LRRC15: variants seen among roughly 807,000 people sequenced by gnomAD.
The protein encoded by LRRC15 is leucine-rich repeat-containing protein 15.
LRRC15 carries 5 observed loss-of-function variants against 4.3 expected under a neutral mutation model. The observed-to-expected ratio is 1.16, with a 90% confidence interval of 0.61 to 2.44. The LOEUF (loss-of-function observed/expected upper bound fraction) is 2.44, where lower values mean the gene tolerates loss of function less well. Among genes scored for constraint, LRRC15 ranks in the 30% most tolerant of loss-of-function variants. LRRC15 has a pLI of 0.01. For synonymous variants in LRRC15, 337 were observed against 323.2 expected (o/e 1.04, Z -0.46); for missense variants, 769 against 747.0 (o/e 1.03, Z -0.34).
In LRRC15 at chr3:194,359,976, C is replaced by T; in HGVS notation, c.1068G>A (p.Leu356=). The change falls in exon 2 of 2, where the codon CTG becomes CTA. Residue 356 remains leucine (L), a synonymous_variant. Coordinates refer to ENST00000347624, the MANE Select transcript of LRRC15 (RefSeq NM_130830.5). The part of the protein sequence containing the change: ...LSLHTNALQD[L]DGNVFRMLAN... ...CCAACATGCGGAAGACGTTCCCGTCCAGGTCCTGCAGTGCGTTGGTGTGGA... is the reference window on the plus strand; with the variant it reads ...CCAACATGCGGAAGACGTTCCCGTCTAGGTCCTGCAGTGCGTTGGTGTGGA... 6.2e-7 allele frequency: 1 copy of T among 1,614,216 alleles called. No homozygotes were observed. The highest frequency in any genetic ancestry group is 8.5e-7 in the Non-Finnish European group (1 of 1,180,040).
chr3:194,366,511 G>GA (rs1456523544), intron 1 of LRRC15, among the ~76,000 whole-genome samples: 1 of 151,914 alleles, frequency 6.6e-6, no homozygotes, highest in African/African-American at 2.4e-5. Flanking sequence ...AACATGCTCA[G>GA]AAACACCACG....
chr3:194,360,478 G>A lies in LRRC15; in HGVS notation c.566C>T (p.Ser189Leu), dbSNP rs1713586117. The change falls in exon 2 of 2, where the codon TCA becomes TTA. Residue 189 changes from serine to leucine, a missense_variant. Transcript: ENST00000347624. Reference protein sequence around the residue: ...NLGKNSLTHISPRVFQHLGNL... With the variant: ...NLGKNSLTHILPRVFQHLGNL... ...GCCCAGGTGCTGGAAGACCCTGGGT[G>A]AGATGTGGGTGAGGCTATTCTTGCC... is the stretch of plus-strand genomic sequence containing the variant. The A allele has an allele frequency of 1.2e-6, 2 of 1,614,062 alleles. No homozygotes were observed. Among genetic ancestry groups the A allele is most frequent in the African/African-American group, 1.3e-5 (1 of 74,926 alleles).
intron 1 of LRRC15, 85 bp from the exon 2 acceptor site, chr3:194,361,131 A>G (rs1220000388): frequency 6.5e-6 from 8 of 1,229,682 alleles, no homozygotes; most frequent in East Asian, 5.2e-5. Context: ...TCCAGTGCCA[A>G]TGCTGGCTTG....
At chr3:194,364,673 T>A (rs1380681997) in intron 1 of LRRC15, among the ~76,000 whole-genome samples, 1 of 152,198 alleles carries the variant, frequency 6.6e-6, no homozygotes, top group East Asian at 1.9e-4. Context: ...GCACAGATAA[T>A]TCCCTATGGG....
chr3:194,361,191 A>G (rs1713619635), intron 1 of LRRC15, 145 bp from the exon 2 acceptor site: 5 of 687,120 alleles, frequency 7.3e-6, no homozygotes, highest in Non-Finnish European at 1.1e-5. Context: ...TCTGCTCTGA[A>G]CAGGAAGCCT....
intron 1 of LRRC15, among the ~76,000 whole-genome samples, chr3:194,365,242 T>A (rs1015567195): frequency 4.6e-5 from 7 of 152,220 alleles, no homozygotes; most frequent in Non-Finnish European, 8.8e-5. Context: ...AAGGACAGCC[T>A]GACAGCTCTC....
At chr3:194,365,972 C>G (rs577751238) in intron 1 of LRRC15, among the ~76,000 whole-genome samples, 2 of 152,362 alleles carry the variant, frequency 1.3e-5, no homozygotes, top group South Asian at 4.1e-4. Flanking sequence ...CTCCCTTCTC[C>G]CCACAGAGGG....
Position 194,359,116 on chromosome 3 carries a change from C to A in LRRC15, c.*182G>T. ...TCTATCTTCCTGATTGTAGGAAGGT[C>A]CGGCACGACCTGCTTCTCTACGGGA... On this transcript the variant is annotated 3_prime_UTR_variant, in exon 2 of 2. Coordinates refer to ENST00000347624, the MANE Select transcript of LRRC15 (RefSeq NM_130830.5). 1.8e-6 allele frequency: 1 copy of A among 568,520 alleles called. No individual in the cohort carries two copies. The highest frequency in any genetic ancestry group is 1.9e-5 in the African/African-American group (1 of 53,632). The allele number at this position is 568,520 out of a possible 1,614,324, so 35.2% of individuals were successfully genotyped here. A position where few individuals can be genotyped will look rare whatever the true frequency, so the allele number is the denominator to read the frequency against.
rs1280523567 is a variant in LRRC15 at position 194,359,042 on chromosome 3, C to T, written c.*256G>A. 1.6e-5 allele frequency: 6 copies of T among 376,112 alleles called. No homozygotes were observed. Among genetic ancestry groups the T allele is most frequent in the African/African-American group, 6.1e-5 (3 of 49,016 alleles). 23.3% of individuals were successfully genotyped at this position (376,112 alleles called of 1,614,324 possible). A position where few individuals can be genotyped will look rare whatever the true frequency, so the allele number is the denominator to read the frequency against. Reference sequence around the variant, plus strand: ...AGGAAGAGCCCTCTCGAAGGAAGCCCAGGGGTATGAATCGGAAATCCCCAG... The same window carrying T: ...AGGAAGAGCCCTCTCGAAGGAAGCCTAGGGGTATGAATCGGAAATCCCCAG... On this transcript the variant is annotated 3_prime_UTR_variant, in exon 2 of 2. Transcript: ENST00000347624.
At chr3:194,367,797 G>A (rs1713824807) in intron 1 of LRRC15, among the ~76,000 whole-genome samples, 1 of 152,246 alleles carries the variant, frequency 6.6e-6, no homozygotes, top group African/African-American at 2.4e-5. Context: ...GGGGACCCGC[G>A]TCTCTCATCT....
chr3:194,366,407 A>G (rs1025229584), intron 1 of LRRC15, among the ~76,000 whole-genome samples: 1 of 152,162 alleles, frequency 6.6e-6, no homozygotes, highest in African/African-American at 2.4e-5. Context: ...TGGAGACTCC[A>G]CCCGCAGAGA....
chr3:194,360,714 G>T lies in LRRC15; in HGVS notation c.330C>A (p.Asn110Lys). 2 of 1,614,240 alleles carry T rather than the reference G, an allele frequency of 1.2e-6. No homozygotes were observed. The highest frequency in any genetic ancestry group is 1.7e-6 in the Non-Finnish European group (2 of 1,180,036). The change falls in exon 2 of 2, where the codon AAC becomes AAA. Residue 110 changes from asparagine (N) to lysine (K), a missense_variant. By Grantham distance (94) the Asn-to-Lys change is moderately conservative. Coordinates refer to ENST00000347624, the MANE Select transcript of LRRC15 (RefSeq NM_130830.5). ...LGSLRYLSLANNKLQVLPIGL... is the reference protein window; with the variant it reads ...LGSLRYLSLAKNKLQVLPIGL... The stretch of plus-strand genomic sequence containing the variant: ...CGATGGGCAGAACCTGCAGCTTGTT[G>T]TTGGCGAGGCTGAGATAGCGCAGCG...
intron 1 of LRRC15, chr3:194,363,484 AACAGAATAC>A (rs1713694190): frequency 3.5e-6 from 2 of 565,422 alleles, no homozygotes; most frequent in Admixed American, 6.6e-5. Flanking sequence ...AAGCTGCCTA[AACAGAATAC>A]ACCAAAAAAA....
intron 1 of LRRC15, among the ~76,000 whole-genome samples, chr3:194,365,782 C>T (rs1713757451): frequency 6.6e-6 from 1 of 152,218 alleles, no homozygotes; most frequent in African/African-American, 2.4e-5. Flanking sequence ...TCAGGCCCAC[C>T]TGCCTCCAAG....
At chr3:194,368,202 AGG>A (rs1713835048) in intron 1 of LRRC15, among the ~76,000 whole-genome samples, 1 of 152,236 alleles carries the variant, frequency 6.6e-6, no homozygotes. Context: ...GTCAGGATTC[AGG>A]GCAGCAAATT....
At position 194,357,889 on chromosome 3, in the gene LRRC15, C is replaced by T. The variant is rs1713477818; in HGVS notation, c.*1409G>A. 6.6e-6 allele frequency: 1 copy of T among 152,244 alleles called. No homozygotes were observed. Among genetic ancestry groups the T allele is most frequent in the Non-Finnish European group, 1.5e-5 (1 of 68,046 alleles). The allele number at this position is 152,244 out of a possible 1,614,324, so 9.4% of individuals were successfully genotyped here. A position where few individuals can be genotyped will look rare whatever the true frequency, so the allele number is the denominator to read the frequency against. On this transcript the variant is annotated 3_prime_UTR_variant, in exon 2 of 2. Transcript: ENST00000347624. ...GAAGAATGAAAATTAAAAACAGATA[C>T]AGGCATATCACGTCCATAGAAGGCT...
chr3:194,365,473 A>G (rs992264854), intron 1 of LRRC15, among the ~76,000 whole-genome samples: 1 of 152,106 alleles, frequency 6.6e-6, no homozygotes, highest in Admixed American at 6.5e-5. Flanking sequence ...TCCTTATTTT[A>G]ATGACACAGA....
Position 194,359,309 on chromosome 3 carries a change from T to G in LRRC15, c.1735A>C (p.Asn579His), listed in dbSNP as rs536890746. The G allele has an allele frequency of 6.3e-7, 1 of 1,591,934 alleles. No homozygotes were observed. Among genetic ancestry groups the G allele is most frequent in the African/African-American group, 1.3e-5 (1 of 74,772 alleles). Residue 579 changes from asparagine (N) to histidine (H), a missense_variant, in exon 2 of 2, where the codon AAT (asparagine) becomes CAT (histidine). Physicochemically the swap from Asn to His is moderately conservative, Grantham distance 68. Transcript: ENST00000347624. ...QAVLMQMKAPNEC is the reference protein window; with the variant it reads ...QAVLMQMKAPHEC Reference sequence around the variant, plus strand: ...TCCAGCCTGCCTCTTTAACACTCATTGGGTGCCTTCATCTGCATCAGGACA... The same window carrying G: ...TCCAGCCTGCCTCTTTAACACTCATGGGGTGCCTTCATCTGCATCAGGACA...
rs536324527 is a variant in LRRC15 at position 194,360,043 on chromosome 3, G to A, written c.1001C>T (p.Pro334Leu). Residue 334 changes from proline to leucine, a missense_variant, in exon 2 of 2, where the codon CCG becomes CTG. By Grantham distance (98) the Pro-to-Leu change is moderately conservative (BLOSUM62 -3). Transcript: ENST00000347624. The stretch of plus-strand genomic sequence containing the variant: ...CTCCGTTAGCCCGTTGAAGGCACCC[G>A]GGGAGATGAAGCTGATCTGATTGCG... ...LSRNQISFISPGAFNGLTELR... is the reference protein window; with the variant it reads ...LSRNQISFISLGAFNGLTELR... 22 of 1,614,212 alleles carry A rather than the reference G, an allele frequency of 1.4e-5. No homozygotes were observed. Among genetic ancestry groups the A allele is most frequent in the South Asian group, 3.3e-5 (3 of 91,080 alleles).
Sources: gnomAD v4.1 joint callset for allele counts (sites outside exome capture counted in the v4.1 genomes callset) on GRCh38, gnomAD v4.1.1 for gene constraint, MANE v1.5 for transcripts, NCBI Gene and HGNC (gene_info 2026-07-23, HGNC 2026-07-21) for gene names.